Variants in TOMM22 observed in about 807,000 individuals in gnomAD.
TOMM22 encodes the protein translocase of outer mitochondrial membrane 22.
A neutral mutation model predicts 17.1 loss-of-function variants in TOMM22; 3 were observed. The observed-to-expected ratio is 0.18, with a 90% CI of 0.08 to 0.45. TOMM22 has a LOEUF of 0.45. Ranked by LOEUF, TOMM22 falls within the 20% of genes least tolerant of loss-of-function variation. The pLI is 0.99. For missense variants in TOMM22, 159 were observed against 179.5 expected (o/e 0.89, Z 0.65); for synonymous variants, 91 against 74.0 (o/e 1.23, Z -1.18).
At position 38,682,018 on chromosome 22, in the gene TOMM22, C is replaced by G. The variant is rs1440857430; in HGVS notation, c.40C>G (p.Gln14Glu). The change falls in exon 1 of 4, where the codon CAG becomes GAG. Residue 14 changes from glutamine (Q) to glutamate (E), a missense_variant. Physicochemically the swap from Gln to Glu is conservative, Grantham distance 29. Coordinates refer to ENST00000216034, the MANE Select transcript of TOMM22 (RefSeq NM_020243.5). ...AVAAAGAGEP[Q>E]SPDELLPKGD... ...CGCTGCTGCCGGTGCAGGGGAACCC[C>G]AGTCCCCGGACGAATTGCTCCCGAA... The G allele has an allele frequency of 1.9e-6, 3 of 1,611,216 alleles. No homozygotes were observed. The highest frequency in any genetic ancestry group is 1.7e-5 in the Admixed American group (1 of 59,696).
Position 38,683,586 on chromosome 22 carries a change from TGTAGCA to T in TOMM22, c.355-180_355-175del, listed in dbSNP as rs1569260062. Among the ~76,000 whole-genome samples the T allele has an allele frequency of 3.9e-5, 6 of 152,358 alleles. No individual in the cohort carries two copies. In the East Asian group the frequency reaches 1.2e-3, roughly 29 times the overall value. ...CAGCCCAGGGGTTGAGGGCTCCTGT[TGTAGCA>T]CCTGAGTTGACCAACAGTTAATGTG... On this transcript the variant is annotated intron_variant, in intron 3 of 3. Coordinates refer to ENST00000216034, the MANE Select transcript of TOMM22 (RefSeq NM_020243.5).
At position 38,684,803 on chromosome 22, in the gene TOMM22, ATTT is replaced by A. The variant is rs747279184; in HGVS notation, c.*979_*981del. On this transcript the variant is annotated 3_prime_UTR_variant, in exon 4 of 4. Transcript: ENST00000216034. ...CTGGGGAATAGGGGAGGGGGACAGAATTTTTTTTTTTTTTTTTTTGCCTGAGAT... is the reference window on the plus strand; with the variant it reads ...CTGGGGAATAGGGGAGGGGGACAGAATTTTTTTTTTTTTTTTGCCTGAGAT... 3.0e-4 allele frequency: 40 copies of A among 134,468 alleles called. No homozygotes were observed. The highest frequency in any genetic ancestry group is 5.8e-4 in the African/African-American group (21 of 36,410). 8.3% of individuals were successfully genotyped at this position (134,468 alleles called of 1,614,324 possible).
rs374626566 is a variant in TOMM22 at position 38,683,741 on chromosome 22, C to G, written c.355-26C>G. Reference sequence around the variant, plus strand: ...TAAGCTCTCTAGGCCTGTATGATGCCTTACACCCCTCCTTTTCTTTTCCAG... The same window carrying G: ...TAAGCTCTCTAGGCCTGTATGATGCGTTACACCCCTCCTTTTCTTTTCCAG... On this transcript the variant is annotated intron_variant, in intron 3 of 3. Coordinates refer to ENST00000216034, the MANE Select transcript of TOMM22 (RefSeq NM_020243.5). 2.5e-6 allele frequency: 4 copies of G among 1,601,738 alleles called. No individual in the cohort carries two copies. The African/African-American group carries it at 5.4e-5, about 21-fold the overall frequency.
chr22:38,682,425 G>A lies in TOMM22; in HGVS notation c.220G>A (p.Ala74Thr), dbSNP rs2092481657. The A allele has an allele frequency of 1.2e-6, 2 of 1,614,072 alleles. No homozygotes were observed. Among genetic ancestry groups the A allele is most frequent in the African/African-American group, 2.7e-5 (2 of 74,926 alleles). The change falls in exon 2 of 4, where the codon GCT becomes ACT. Residue 74 changes from alanine (A) to threonine (T), a missense_variant. Coordinates refer to ENST00000216034, the MANE Select transcript of TOMM22 (RefSeq NM_020243.5). ...CACTTTTGATCTTTCCCTCTTTGTG[G>A]CTCAGAAAATGTACAGGTAAGGAAC... ...GATFDLSLFVAQKMYRFSRAA... is the reference protein window; with the variant it reads ...GATFDLSLFVTQKMYRFSRAA...
At chr22:38,683,142 C>CGGGGGGGGGGGGGGGGGGGG (rs57276769) in intron 3 of TOMM22, 146 bp downstream of exon 3, 2 of 40,794 alleles carry the variant, frequency 4.9e-5, no homozygotes, top group Non-Finnish European at 5.0e-5. Context: ...GGCCGGGGGT[C>CGGGGGGGGGGGGGGGGGGGG]GGGGGGGGGG....
Position 38,682,060 on chromosome 22 carries a change from C to G in TOMM22, c.82C>G (p.Pro28Ala), listed in dbSNP as rs770824107. 6.9e-6 allele frequency: 11 copies of G among 1,598,832 alleles called. No individual in the cohort carries two copies. The highest frequency in any genetic ancestry group is 5.1e-6 in the Non-Finnish European group (6 of 1,173,026). The change falls in exon 1 of 4, where the codon CCT becomes GCT. Residue 28 changes from proline (P) to alanine (A), a missense_variant. Coordinates refer to ENST00000216034, the MANE Select transcript of TOMM22 (RefSeq NM_020243.5). ...ELLPKGDAEK[P>A]EEELEEDDDE... ...GCTCCCGAAAGGCGACGCGGAGAAG[C>G]CTGAGGAGGAGCTGGAGGAGGACGA...
In TOMM22 at chr22:38,681,967, T is replaced by C; in HGVS notation, c.-12T>C. ...GCTCACCTCCTTTCCGCTTCCGGTGTCCCCTACAGTCATGGCTGCCGCCGT... is the reference window on the plus strand; with the variant it reads ...GCTCACCTCCTTTCCGCTTCCGGTGCCCCCTACAGTCATGGCTGCCGCCGT... On this transcript the variant is annotated 5_prime_UTR_variant, in exon 1 of 4. Transcript: ENST00000216034. The C allele has an allele frequency of 1.2e-6, 2 of 1,603,930 alleles. No homozygotes were observed. Among genetic ancestry groups the C allele is most frequent in the Non-Finnish European group, 1.7e-6 (2 of 1,172,572 alleles).
rs78739798 is a variant in TOMM22 at position 38,684,199 on chromosome 22, TG to T, written c.*359del. ...GGATGTGCCCCTGACCATTAACGAC[TG>T]TTTTTTTTTTTTTTTTTTAAAGAAT... On this transcript the variant is annotated 3_prime_UTR_variant, in exon 4 of 4. Transcript: ENST00000216034. 7,965 of 208,152 alleles carry T rather than the reference TG, an allele frequency of 0.038. 365 individuals carry two copies. The highest frequency in any genetic ancestry group is 0.12 in the African/African-American group (5,044 of 41,372). The allele number at this position is 208,152 out of a possible 1,614,324, so 12.9% of individuals were successfully genotyped here.
Position 38,683,861 on chromosome 22 carries a change from C to T in TOMM22, c.*20C>T. The T allele has an allele frequency of 6.2e-7, 1 of 1,608,896 alleles. No homozygotes were observed. The highest frequency in any genetic ancestry group is 1.1e-5 in the South Asian group (1 of 90,952). On this transcript the variant is annotated 3_prime_UTR_variant, in exon 4 of 4. Transcript: ENST00000216034. ...ATCTAGATTGTTATTGCTGTTTGAGCTGTCTCAGTGGGATAAGTTTGAAAT... is the reference window on the plus strand; with the variant it reads ...ATCTAGATTGTTATTGCTGTTTGAGTTGTCTCAGTGGGATAAGTTTGAAAT...
At chr22:38,683,143 G>C (rs540165224) in intron 3 of TOMM22, 147 bp downstream of exon 3, 1 of 334,162 alleles carries the variant, frequency 3.0e-6, no homozygotes, top group Non-Finnish European at 4.9e-6. Context: ...GCCGGGGGTC[G>C]GGGGGGGGGT....
intron 3 of TOMM22, 98 bp downstream of exon 3, chr22:38,683,094 A>G: frequency 1.7e-6 from 1 of 577,416 alleles, no homozygotes; most frequent in South Asian, 1.7e-5. Flanking sequence ...GACTGGTTTC[A>G]TGGAACACAG....
At chr22:38,682,540 C>T (rs1432458340) in intron 2 of TOMM22, 99 bp downstream of exon 2, 3 of 1,089,948 alleles carry the variant, frequency 2.8e-6, no homozygotes, top group Middle Eastern at 2.0e-4. Context: ...TGTTGGGTGA[C>T]CTTGGGCTTG....
At position 38,683,008 on chromosome 22, in the gene TOMM22, C is replaced by T. The variant is rs370545441; in HGVS notation, c.354+12C>T. On this transcript the variant is annotated intron_variant, in intron 3 of 3. Transcript: ENST00000216034. Reference sequence around the variant, plus strand: ...TGCAGCAGCGGCAGGTGAGCCCAGACCTTGGGCTTTTTGCCAGTGGTGGAG... The same window carrying T: ...TGCAGCAGCGGCAGGTGAGCCCAGATCTTGGGCTTTTTGCCAGTGGTGGAG... The T allele has an allele frequency of 6.2e-7, 1 of 1,610,458 alleles. No homozygotes were observed. Among genetic ancestry groups the T allele is most frequent in the Non-Finnish European group, 8.5e-7 (1 of 1,177,052 alleles).
In TOMM22 at chr22:38,682,303, C is replaced by T. The variant is rs1180027606; in HGVS notation, c.118-20C>T. 1.9e-6 allele frequency: 3 copies of T among 1,609,708 alleles called. No individual in the cohort carries two copies. The highest frequency in any genetic ancestry group is 2.2e-5 in the East Asian group (1 of 44,858). On this transcript the variant is annotated intron_variant, in intron 1 of 3. Transcript: ENST00000216034. ...TGGATGTCGCTTTTTCGGCTAAGAC[C>T]CGCGTCTACTCCACCACAGCTAGAT...
Position 38,685,400 on chromosome 22 carries a change from A to G in TOMM22, c.*1559A>G, listed in dbSNP as rs1315386684. ...CAAATTGTCAAGATTAGTTTTTATA[A>G]ATTAAAATAGACTGAAAAATGTCTT... On this transcript the variant is annotated 3_prime_UTR_variant, in exon 4 of 4. Transcript: ENST00000216034. 1.3e-5 allele frequency: 2 copies of G among 152,240 alleles called. No homozygotes were observed. The highest frequency in any genetic ancestry group is 4.8e-5 in the African/African-American group (2 of 41,460). The allele number at this position is 152,240 out of a possible 1,614,324, so 9.4% of individuals were successfully genotyped here.
intron 3 of TOMM22, among the ~76,000 whole-genome samples, 154 bp downstream of exon 3, chr22:38,683,150 G>GTGC (rs1555985186): frequency 7.3e-6 from 1 of 136,924 alleles, no homozygotes; most frequent in Non-Finnish European, 1.5e-5. Context: ...GTCGGGGGGG[G>GTGC]GGTTCTGGAT....
rs200233039 is a variant in TOMM22 at position 38,682,943 on chromosome 22, T to G, written c.301T>G (p.Phe101Val). The change falls in exon 3 of 4, where the codon TTT becomes GTT. Residue 101 changes from phenylalanine to valine, a missense_variant. By Grantham distance (50) the Phe-to-Val change is conservative (BLOSUM62 -1). Coordinates refer to ENST00000216034, the MANE Select transcript of TOMM22 (RefSeq NM_020243.5). ...SFMILVLPVV[F>V]ETEKLQMEQQ... ...TATGATCCTGGTTCTTCCCGTTGTCTTTGAGACGGAGAAGTTGCAAATGGA... is the reference window on the plus strand; with the variant it reads ...TATGATCCTGGTTCTTCCCGTTGTCGTTGAGACGGAGAAGTTGCAAATGGA... 1 of 1,613,844 alleles carries G rather than the reference T, an allele frequency of 6.2e-7. No homozygotes were observed. Among genetic ancestry groups the G allele is most frequent in the African/African-American group, 1.3e-5 (1 of 75,000 alleles).
At position 38,685,194 on chromosome 22, in the gene TOMM22, CAG is replaced by C. The variant is rs2092492997; in HGVS notation, c.*1356_*1357del. On this transcript the variant is annotated 3_prime_UTR_variant, in exon 4 of 4. Coordinates refer to ENST00000216034, the MANE Select transcript of TOMM22 (RefSeq NM_020243.5). The stretch of plus-strand genomic sequence containing the variant: ...ACAGAAAGGTAATTGCTCAAGGCTG[CAG>C]AGTTAAGTGCTAGACCTGGATTCAA... 1 of 152,236 alleles carries C rather than the reference CAG, an allele frequency of 6.6e-6. No homozygotes were observed. The highest frequency in any genetic ancestry group is 2.4e-5 in the African/African-American group (1 of 41,448). 9.4% of individuals were successfully genotyped at this position (152,236 alleles called of 1,614,324 possible). A position where few individuals can be genotyped will look rare whatever the true frequency, so the allele number is the denominator to read the frequency against.
In TOMM22 at chr22:38,682,258, T is replaced by G; in HGVS notation, c.118-65T>G. On this transcript the variant is annotated intron_variant, in intron 1 of 3. Coordinates refer to ENST00000216034, the MANE Select transcript of TOMM22 (RefSeq NM_020243.5). The stretch of plus-strand genomic sequence containing the variant: ...TCCAGTGGGGCTCGGCGGCTCCCAG[T>G]GCCGCAGCGGGGCCAGGAATGGATG... The G allele has an allele frequency of 1.3e-5, 20 of 1,563,758 alleles. No individual in the cohort carries two copies. The South Asian group carries it at 1.8e-4, about 14-fold the overall frequency.
Sources: allele counts gnomAD v4.1 joint callset (sites outside exome capture counted in the v4.1 genomes callset), GRCh38; gene constraint gnomAD v4.1.1; transcripts MANE v1.5; gene names NCBI Gene and HGNC (gene_info 2026-07-23, HGNC 2026-07-21).